Variants in NCALD observed in about 807,000 individuals in gnomAD.
The protein encoded by NCALD is neurocalcin-delta.
In NCALD, 10 loss-of-function variants were observed where a neutral mutation model predicts 18.6. That is an observed-to-expected ratio of 0.54 (90% CI 0.33 to 0.91). The LOEUF is 0.91. NCALD is among the 40% of genes least tolerant of loss of function. The pLI, the probability that NCALD is intolerant of heterozygous loss-of-function variation, is 0.03. For synonymous variants in NCALD, 88 were observed against 87.4 expected (o/e 1.01, Z -0.04); for missense variants, 184 against 247.6 (o/e 0.74, Z 1.72).
upstream of NCALD, among the ~76,000 whole-genome samples, chr8:101,793,046 A>C (rs1812502783): frequency 1.3e-5 from 2 of 152,206 alleles, no homozygotes; most frequent in Non-Finnish European, 2.9e-5. Flanking sequence ...TATTCAGTGA[A>C]CTATTAAAAT....
intron 2 of NCALD, among the ~76,000 whole-genome samples, chr8:101,975,642 G>A (rs550734737): frequency 6.6e-6 from 1 of 152,314 alleles, no homozygotes; most frequent in South Asian, 2.1e-4. Flanking sequence ...AAGGTTAGCT[G>A]CTGCAAGTGA....
intron 4 of NCALD, among the ~76,000 whole-genome samples, chr8:101,843,336 T>C (rs1202868529): frequency 6.6e-6 from 1 of 152,246 alleles, no homozygotes; most frequent in Non-Finnish European, 1.5e-5. Context: ...GGCCTCACGC[T>C]AGACCTACTG....
Position 101,866,788 on chromosome 8 carries a change from G to A in NCALD, c.-20+20353C>T, listed in dbSNP as rs1477114737. 5.3e-5 allele frequency among the ~76,000 whole-genome samples: 8 copies of A among 152,172 alleles called. No homozygotes were observed. The South Asian group carries it at 8.3e-4, about 16-fold the overall frequency. ...AACAGCCATTCCCAGGGGGTATTACGACGGCCTCCTAACTGGTGTCGCTAG... is the reference window on the plus strand; with the variant it reads ...AACAGCCATTCCCAGGGGGTATTACAACGGCCTCCTAACTGGTGTCGCTAG... On this transcript the variant is annotated intron_variant, in intron 4 of 6. Transcript: ENST00000311028.
chr8:101,885,845 G>A (rs1664469402), intron 4 of NCALD, among the ~76,000 whole-genome samples: 1 of 152,114 alleles, frequency 6.6e-6, no homozygotes, highest in Non-Finnish European at 1.5e-5. Flanking sequence ...CTGTCTTTAG[G>A]CAAAAACACA....
intron 1 of NCALD, among the ~76,000 whole-genome samples, chr8:102,055,239 C>T (rs1823608501): frequency 6.9e-6 from 1 of 144,642 alleles, no homozygotes; most frequent in Non-Finnish European, 1.5e-5. Flanking sequence ...ACCTAAGTCA[C>T]ATTCATGATA....
chr8:102,066,443 G>A (rs575307203), intron 1 of NCALD, among the ~76,000 whole-genome samples: 7 of 152,154 alleles, frequency 4.6e-5, no homozygotes, highest in South Asian at 2.1e-4. Context: ...GCTCACAGTC[G>A]GCACTCACTG....
intron 4 of NCALD, among the ~76,000 whole-genome samples, chr8:101,869,684 A>G (rs1013711953): frequency 1.3e-5 from 2 of 152,204 alleles, no homozygotes; most frequent in Non-Finnish European, 2.9e-5. Flanking sequence ...ATTGATAACA[A>G]TAAAAGCTCA....
rs143848159 is a variant in NCALD, at chr8:101,776,058, C to T, written c.-20+14804G>A. Among the ~76,000 whole-genome samples the T allele has an allele frequency of 3.5e-3, 526 of 152,220 alleles. 3 individuals carry two copies. The highest frequency in any genetic ancestry group is 3.9e-3 in the South Asian group (19 of 4,820). On this transcript the variant is annotated intron_variant, in intron 1 of 3. Transcript: ENST00000220931. Reference sequence around the variant, plus strand: ...TGCCTCATCAAGTGAGGAGTGAGATCCTTGGGAACAGCATGAACCCCAGAC... The same window carrying T: ...TGCCTCATCAAGTGAGGAGTGAGATTCTTGGGAACAGCATGAACCCCAGAC...
intron 1 of NCALD, among the ~76,000 whole-genome samples, chr8:102,068,130 G>A (rs868065120): frequency 2.6e-5 from 4 of 152,142 alleles, no homozygotes; most frequent in South Asian, 4.1e-4. Context: ...AGAATACTTC[G>A]TGTATTTACA....
chr8:101,964,189 A>G (rs1819938583), intron 2 of NCALD, among the ~76,000 whole-genome samples: 2 of 152,160 alleles, frequency 1.3e-5, no homozygotes, highest in Non-Finnish European at 2.9e-5. Flanking sequence ...TATGAATAGA[A>G]GGACAGAACC....
chr8:101,692,710 G>A (rs532589105), intron 3 of NCALD, 81 bp downstream of exon 3: 12 of 1,453,184 alleles, frequency 8.3e-6, no homozygotes, highest in Middle Eastern at 1.8e-4. Context: ...GAAGGGCCTC[G>A]AGTGGCACTT....
At chr8:101,857,472 T>C (rs1815365595) in intron 4 of NCALD, among the ~76,000 whole-genome samples, 1 of 152,202 alleles carries the variant, frequency 6.6e-6, no homozygotes, top group Non-Finnish European at 1.5e-5. Context: ...TCTTCAAGCA[T>C]AAAGCCCAAA....
intron 4 of NCALD, among the ~76,000 whole-genome samples, chr8:101,885,699 G>C (rs1816651922): frequency 6.6e-6 from 1 of 152,160 alleles, no homozygotes; most frequent in Admixed American, 6.5e-5. Flanking sequence ...ACCTGCCCCT[G>C]AAACAATAAA....
rs138559100 is a variant in NCALD, at chr8:102,082,927, G to T, written c.-210+41310C>A. Among the ~76,000 whole-genome samples the T allele has an allele frequency of 9.2e-5, 14 of 152,332 alleles. No individual in the cohort carries two copies. The South Asian group carries it at 1.7e-3, about 18-fold the overall frequency. On this transcript the variant is annotated intron_variant, in intron 1 of 6. Transcript: ENST00000311028. ...ACTCAAATAATTTGCCAGTCCACGG[G>T]TGAATAATGCAACAGAGAGCTCAGA... is the stretch of plus-strand genomic sequence containing the variant.
At chr8:102,007,834 G>C (rs1821765460) in intron 2 of NCALD, among the ~76,000 whole-genome samples, 1 of 152,166 alleles carries the variant, frequency 6.6e-6, no homozygotes, top group East Asian at 1.9e-4. Flanking sequence ...CAACCAAACA[G>C]ACTGACAGTG....
intron 1 of NCALD, among the ~76,000 whole-genome samples, chr8:102,043,173 G>GT (rs1823112455): frequency 6.6e-6 from 1 of 151,934 alleles, no homozygotes; most frequent in Admixed American, 6.6e-5. Context: ...TCACCTAACA[G>GT]TTATGAGCAG....
intron 3 of NCALD, chr8:101,690,426 C>T (rs1476083683): frequency 2.3e-5 from 23 of 985,360 alleles, no homozygotes; most frequent in Non-Finnish European, 2.8e-5. Flanking sequence ...CCTCCAAGGG[C>T]AGCACCCGGC....
intron 4 of NCALD, among the ~76,000 whole-genome samples, chr8:101,807,951 G>T (rs62517310): frequency 6.6e-6 from 1 of 151,934 alleles, no homozygotes; most frequent in African/African-American, 2.4e-5. Context: ...AAGAAACTAT[G>T]GAATGGAAAA....
chr8:101,765,538 T>C (rs1811311640), intron 1 of NCALD, among the ~76,000 whole-genome samples: 1 of 152,192 alleles, frequency 6.6e-6, no homozygotes, highest in African/African-American at 2.4e-5. Context: ...TTCTTCTTGG[T>C]GAAAAGTAAG....
Sources: gnomAD v4.1 joint callset for allele counts (sites outside exome capture counted in the v4.1 genomes callset) on GRCh38, gnomAD v4.1.1 for gene constraint, MANE v1.5 for transcripts, NCBI Gene and HGNC (gene_info 2026-07-23, HGNC 2026-07-21) for gene names.